The following PHF20 variants were observed in gnomAD, a reference collection of about 807,000 sequenced individuals.
The protein encoded by PHF20 is glioma-expressed antigen 2.
PHF20 carries 23 observed loss-of-function variants against 113.5 expected under a neutral mutation model. The observed-to-expected ratio is 0.20, with a 90% CI of 0.15 to 0.29. The LOEUF (loss-of-function observed/expected upper bound fraction) is 0.29, where lower values mean the gene tolerates loss of function less well. Ranked by LOEUF, PHF20 falls within the 10% of genes least tolerant of loss-of-function variation. The pLI, the probability that PHF20 is intolerant of heterozygous loss-of-function variation, is 1.00. For synonymous variants in PHF20, 434 were observed against 457.3 expected, an observed-to-expected ratio of 0.95 and a Z score of 0.65; for missense variants, 943 against 1,219.6, an observed-to-expected ratio of 0.77 and a Z score of 3.38.
rs141609006 is a variant in PHF20, at chr20:35,832,473, A to G, written c.84-10100A>G. Among the ~76,000 whole-genome samples the G allele has an allele frequency of 1.6e-4, 25 of 152,336 alleles. No individual in the cohort carries two copies. The East Asian group carries it at 4.6e-3, about 28-fold the overall frequency. On this transcript the variant is annotated intron_variant, in intron 2 of 17. Transcript: ENST00000374012. ...GCAGGCCATAAACACAAACAAATGA[A>G]ATAATGACAGATTAGGGTAAATGCT...
At chr20:35,928,038 C>G (rs185757580) in intron 14 of PHF20, among the ~76,000 whole-genome samples, 159 bp downstream of exon 14, 1 of 152,330 alleles carries the variant, frequency 6.6e-6, no homozygotes, top group East Asian at 1.9e-4. Flanking sequence ...TGCCTTGTGG[C>G]CAGCTATCCT....
chr20:35,886,362 G>A (rs2054732038), intron 9 of PHF20, among the ~76,000 whole-genome samples: 1 of 151,988 alleles, frequency 6.6e-6, no homozygotes, highest in African/African-American at 2.4e-5. Context: ...TTGACCTCAA[G>A]TGATCCGCCT....
intron 10 of PHF20, among the ~76,000 whole-genome samples, chr20:35,901,810 A>G (rs1029163900): frequency 6.6e-6 from 1 of 152,234 alleles, no homozygotes; most frequent in Admixed American, 6.5e-5. Context: ...TCTGCAAAGC[A>G]TAAGTTTTGG....
intron 10 of PHF20, among the ~76,000 whole-genome samples, chr20:35,911,595 G>A (rs535217238): frequency 6.6e-6 from 1 of 152,280 alleles, no homozygotes; most frequent in African/African-American, 2.4e-5. Flanking sequence ...AAAAAGTAAG[G>A]CATGGTGAAT....
chr20:35,882,208 C>A lies in PHF20; in HGVS notation c.1282+10379C>A, dbSNP rs534144611. On this transcript the variant is annotated intron_variant, in intron 9 of 17. Transcript: ENST00000374012. Reference sequence around the variant, plus strand: ...AAGCTGGTTTGGCCAGACAGTGTACCCAAACTTTTATATACCATAGAATGT... The same window carrying A: ...AAGCTGGTTTGGCCAGACAGTGTACACAAACTTTTATATACCATAGAATGT... Among the ~76,000 whole-genome samples the A allele has an allele frequency of 5.9e-5, 9 of 152,154 alleles. No homozygotes were observed. The East Asian group carries it at 1.5e-3, about 26-fold the overall frequency.
chr20:35,944,634 T>C (rs540908967), intron 17 of PHF20, among the ~76,000 whole-genome samples: 1 of 152,320 alleles, frequency 6.6e-6, no homozygotes, highest in South Asian at 2.1e-4. Context: ...TACAGTGGCA[T>C]GATCTCGGCT....
At chr20:35,919,319 A>C (rs2055466038) in intron 13 of PHF20, among the ~76,000 whole-genome samples, 2 of 149,632 alleles carry the variant, frequency 1.3e-5, no homozygotes, top group Non-Finnish European at 3.0e-5. Flanking sequence ...GCCTGGCAAA[A>C]TATTTTTGTT....
Position 35,848,341 on chromosome 20 carries a change from C to T in PHF20, c.340+907C>T, listed in dbSNP as rs184955940. 4.8e-3 allele frequency among the ~76,000 whole-genome samples: 732 copies of T among 152,002 alleles called. 6 individuals are homozygous for T. Among genetic ancestry groups the T allele is most frequent in the Admixed American group, 8.4e-3 (128 of 15,268 alleles). On this transcript the variant is annotated intron_variant, in intron 4 of 17. Coordinates refer to ENST00000374012, the MANE Select transcript of PHF20 (RefSeq NM_016436.5). ...GGAGTGCAGTGGTGCCAGCTCAGCT[C>T]ACTGCAACCTCCATCTCCTGAGTTC...
At chr20:35,775,120 AC>A (rs2041145495) in intron 1 of PHF20, 1 of 151,964 alleles carries the variant, frequency 6.6e-6, no homozygotes, top group Non-Finnish European at 1.5e-5. Context: ...CGTACAGTGC[AC>A]CCTTAAAGTA....
chr20:35,894,755 A>G (rs1304198922), intron 9 of PHF20, among the ~76,000 whole-genome samples: 1 of 152,174 alleles, frequency 6.6e-6, no homozygotes, highest in Non-Finnish European at 1.5e-5. Context: ...TAGGTGGAAG[A>G]ACTCGGTTTT....
intron 2 of PHF20, among the ~76,000 whole-genome samples, chr20:35,815,988 G>A (rs929887066): frequency 6.6e-5 from 10 of 152,034 alleles, no homozygotes; most frequent in African/African-American, 2.4e-4. Flanking sequence ...ATGGAGACCC[G>A]CTCAGTCCCC....
chr20:35,870,352 G>A (rs1462091180), intron 7 of PHF20, among the ~76,000 whole-genome samples: 1 of 150,052 alleles, frequency 6.7e-6, no homozygotes, highest in East Asian at 2.0e-4. Flanking sequence ...GTGGTGGCGG[G>A]TGCCTGTAAT....
chr20:35,856,420 A>T (rs1309435433), intron 4 of PHF20: 1 of 152,154 alleles, frequency 6.6e-6, no homozygotes. Flanking sequence ...TTGCTGTTTC[A>T]GTGTATCTGA....
intron 6 of PHF20, among the ~76,000 whole-genome samples, 159 bp from the exon 7 acceptor site, chr20:35,869,279 T>G (rs760343846): frequency 1.4e-4 from 21 of 152,160 alleles, no homozygotes; most frequent in Non-Finnish European, 1.5e-5. Context: ...TCATTTTACT[T>G]TTTTTCTTTT....
chr20:35,804,988 G>A (rs1026324737), intron 2 of PHF20, among the ~76,000 whole-genome samples: 2 of 151,818 alleles, frequency 1.3e-5, no homozygotes, highest in Non-Finnish European at 2.9e-5. Flanking sequence ...TGCAATCTCC[G>A]CCTCCCAGGT....
Position 35,783,652 on chromosome 20 carries a change from T to C in PHF20, c.-33+11573T>C, listed in dbSNP as rs75414483. ...TGTTGCCTAGGCTGATCTCAAACTC[T>C]TGGGCTCAAGTGATTCTCCTGCCTC... On this transcript the variant is annotated intron_variant, in intron 1 of 17. Transcript: ENST00000374012. 9.5e-3 allele frequency among the ~76,000 whole-genome samples: 1,444 copies of C among 151,916 alleles called. 16 individuals are homozygous for C. Among genetic ancestry groups the C allele is most frequent in the East Asian group, 0.039 (202 of 5,168 alleles).
chr20:35,871,097 G>T lies in PHF20; in HGVS notation c.1065G>T (p.Leu355Phe). Residue 355 changes from leucine to phenylalanine, a missense_variant, in exon 8 of 18, where the codon TTG (leucine) becomes TTT (phenylalanine). This residue lies in a region of PHF20 where 592 missense variants were observed against 787.2 expected (regional missense o/e 0.75). Coordinates refer to ENST00000374012, the MANE Select transcript of PHF20 (RefSeq NM_016436.5). ...CAGATTTGGTTGATACGGATCCTTT[G>T]CAAGACACGTTGTCTAGTACCAAGG... ...VVSDLVDTDP[L>F]QDTLSSTKES... 6.2e-7 allele frequency: 1 copy of T among 1,612,602 alleles called. No homozygotes were observed. Among genetic ancestry groups the T allele is most frequent in the Non-Finnish European group, 8.5e-7 (1 of 1,179,694 alleles).
At chr20:35,925,509 C>T (rs1336050087) in intron 13 of PHF20, among the ~76,000 whole-genome samples, 2 of 152,010 alleles carry the variant, frequency 1.3e-5, no homozygotes, top group Non-Finnish European at 2.9e-5. Flanking sequence ...AGTGATCCCC[C>T]CGCCTCGGCC....
chr20:35,829,610 G>A (rs1018149627), intron 2 of PHF20, among the ~76,000 whole-genome samples: 14 of 151,222 alleles, frequency 9.3e-5, no homozygotes, highest in Non-Finnish European at 2.1e-4. Flanking sequence ...GCCTCCCAAA[G>A]TGCTGGGATT....
Sources: gnomAD v4.1 joint callset for allele counts (sites outside exome capture counted in the v4.1 genomes callset) on GRCh38, gnomAD v4.1.1 for gene constraint, gnomAD v4.1.1 regional missense constraint, MANE v1.5 for transcripts, NCBI Gene and HGNC (gene_info 2026-07-23, HGNC 2026-07-21) for gene names.